Variants in ZNF207 observed in about 807,000 individuals in gnomAD.
ZNF207 encodes zinc finger protein 207.
Under a neutral mutation model 60.2 loss-of-function variants are expected in ZNF207, and 24 were observed. The ratio of observed to expected loss-of-function variants is 0.40; its 90% CI spans 0.29 to 0.56. The LOEUF (loss-of-function observed/expected upper bound fraction) is 0.56. Among genes scored for constraint, ZNF207 ranks in the 20% least tolerant of loss-of-function variants. ZNF207 has a pLI of 0.49. For synonymous variants in ZNF207, 236 were observed against 194.7 expected (o/e 1.21, Z -1.77); for missense variants, 452 against 636.6 (o/e 0.71, Z 3.12).
Position 32,367,975 on chromosome 17 carries a change from A to C in ZNF207, c.1125A>C (p.Ala375=), listed in dbSNP as rs1339845752. 2.5e-6 allele frequency: 4 copies of C among 1,614,094 alleles called. No individual in the cohort carries two copies. The highest frequency in any genetic ancestry group is 3.4e-6 in the Non-Finnish European group (4 of 1,180,032). Reference sequence around the variant, plus strand: ...CTGCTACACTTACAACAACTAGTGCAACCAGTAAGTTGATCCATCCAGATG... The same window carrying C: ...CTGCTACACTTACAACAACTAGTGCCACCAGTAAGTTGATCCATCCAGATG... ...SKPATLTTTS[A]TSKLIHPDED... The change falls in exon 10 of 12, where the codon GCA becomes GCC. Residue 375 remains alanine (A), a synonymous_variant. Coordinates refer to ENST00000394670, the MANE Select transcript of ZNF207 (RefSeq NM_001098507.2).
At chr17:32,359,608 A>T (rs1411354086) in intron 3 of ZNF207, among the ~76,000 whole-genome samples, 1 of 151,840 alleles carries the variant, frequency 6.6e-6, no homozygotes, top group Non-Finnish European at 1.5e-5. Context: ...TTTCAATTAT[A>T]AATTTAATGG....
At position 32,380,902 on chromosome 17, in the gene ZNF207, A is replaced by G. The variant is rs1347022276; in HGVS notation, c.*11143A>G. 1.3e-5 allele frequency: 2 copies of G among 152,136 alleles called. No individual in the cohort carries two copies. The highest frequency in any genetic ancestry group is 6.5e-5 in the Admixed American group (1 of 15,268). 9.4% of individuals were successfully genotyped at this position (152,136 alleles called of 1,614,324 possible). A position where few individuals can be genotyped will look rare whatever the true frequency, so the allele number is the denominator to read the frequency against. On this transcript the variant is annotated 3_prime_UTR_variant, in exon 12 of 12. Coordinates refer to ENST00000394670, the MANE Select transcript of ZNF207 (RefSeq NM_001098507.2). ...AACCCAGGGGGAGGAGGTTGCAGTG[A>G]GCCGAGATGGCGCCGTTGCACTCCA...
In ZNF207 at chr17:32,358,561, A is replaced by T; in HGVS notation, c.227A>T (p.Glu76Val). Residue 76 changes from glutamate (E) to valine (V), a missense_variant, in exon 3 of 12, where the codon GAG becomes GTG. Coordinates refer to ENST00000394670, the MANE Select transcript of ZNF207 (RefSeq NM_001098507.2). ...PNAIPGRTDI[E>V]LEIYGMEGIP... ...GCAATACCTGGAAGAACAGACATAG[A>T]GTTGGAAATATATGGTATGGAAGGT... 6.4e-7 allele frequency: 1 copy of T among 1,568,506 alleles called. No individual in the cohort carries two copies. The highest frequency in any genetic ancestry group is 8.6e-7 in the Non-Finnish European group (1 of 1,163,744).
At chr17:32,367,356 G>A (rs1905251061) in intron 9 of ZNF207, among the ~76,000 whole-genome samples, 1 of 144,224 alleles carries the variant, frequency 6.9e-6, no homozygotes, top group Non-Finnish European at 1.5e-5. Context: ...TTAGTAACGA[G>A]TTTAAACTCA....
intron 6 of ZNF207, 134 bp from the exon 7 acceptor site, chr17:32,362,779 GC>G: frequency 1.6e-6 from 1 of 610,214 alleles, no homozygotes; most frequent in Non-Finnish European, 2.8e-6. Context: ...TGTTCTTTCA[GC>G]TTTGATTCAT....
chr17:32,364,396 T>G (rs1414227162), intron 7 of ZNF207, among the ~76,000 whole-genome samples: 6 of 151,232 alleles, frequency 4.0e-5, no homozygotes, highest in African/African-American at 1.5e-4. Context: ...TTTGCTCTGT[T>G]GCCCAGGCTG....
chr17:32,360,724 C>A lies in ZNF207; in HGVS notation c.434C>A (p.Pro145Gln). 6.2e-7 allele frequency: 1 copy of A among 1,614,072 alleles called. No homozygotes were observed. Among genetic ancestry groups the A allele is most frequent in the Non-Finnish European group, 8.5e-7 (1 of 1,180,026 alleles). Reference sequence around the variant, plus strand: ...GGTTATATTCCTCCAATGGCACAGCCAGGACTGCCACCAGTACCAGGAGCA... The same window carrying A: ...GGTTATATTCCTCCAATGGCACAGCAAGGACTGCCACCAGTACCAGGAGCA... ...QQGYIPPMAQ[P>Q]GLPPVPGAPG... Residue 145 changes from proline (P) to glutamine (Q), a missense_variant, in exon 4 of 12, where the codon CCA (proline) becomes CAA (glutamine). Physicochemically the swap from Pro to Gln is moderately conservative, Grantham distance 76. Transcript: ENST00000394670.
At chr17:32,364,368 T>TG (rs1905060612) in intron 7 of ZNF207, among the ~76,000 whole-genome samples, 1 of 151,102 alleles carries the variant, frequency 6.6e-6, no homozygotes, top group Non-Finnish European at 1.5e-5. Context: ...TTTCTTTTTT[T>TG]TTTTTTTGAG....
chr17:32,350,452 G>A (rs999879859), intron 1 of ZNF207, 126 bp downstream of exon 1: 1 of 1,294,208 alleles, frequency 7.7e-7, no homozygotes, highest in Non-Finnish European at 1.1e-6. Flanking sequence ...TGGGTGGCCT[G>A]GTGGCTGGGA....
rs1318673073 is a variant in ZNF207, at chr17:32,379,887, T to TC, written c.*10131dup. The TC allele has an allele frequency of 1.3e-5, 2 of 152,224 alleles. No individual in the cohort carries two copies. Among genetic ancestry groups the TC allele is most frequent in the East Asian group, 3.8e-4 (2 of 5,200 alleles). 9.4% of individuals were successfully genotyped at this position (152,224 alleles called of 1,614,324 possible). A position where few individuals can be genotyped will look rare whatever the true frequency, so the allele number is the denominator to read the frequency against. Reference sequence around the variant, plus strand: ...TATATGTAACACATGGATTATTTTTTCCCTCTAGTTTTTAACTATATCCTA... The same window carrying TC: ...TATATGTAACACATGGATTATTTTTTCCCCTCTAGTTTTTAACTATATCCTA... On this transcript the variant is annotated 3_prime_UTR_variant, in exon 12 of 12. Coordinates refer to ENST00000394670, the MANE Select transcript of ZNF207 (RefSeq NM_001098507.2).
In ZNF207 at chr17:32,380,262, T is replaced by A. The variant is rs1905830633; in HGVS notation, c.*10503T>A. The A allele has an allele frequency of 6.6e-6, 1 of 152,652 alleles. No homozygotes were observed. Among genetic ancestry groups the A allele is most frequent in the African/African-American group, 2.4e-5 (1 of 41,452 alleles). The allele number at this position is 152,652 out of a possible 1,614,324, so 9.5% of individuals were successfully genotyped here. A position where few individuals can be genotyped will look rare whatever the true frequency, so the allele number is the denominator to read the frequency against. On this transcript the variant is annotated 3_prime_UTR_variant, in exon 12 of 12. Coordinates refer to ENST00000394670, the MANE Select transcript of ZNF207 (RefSeq NM_001098507.2). Reference sequence around the variant, plus strand: ...GTAGCCAAATTTCCGTAATATAAGGTAATGTTTAAAAGTGAGCAATAATTA... The same window carrying A: ...GTAGCCAAATTTCCGTAATATAAGGAAATGTTTAAAAGTGAGCAATAATTA...
rs1905112696 is a variant in ZNF207 at position 32,365,396 on chromosome 17, C to T, written c.737C>T (p.Pro246Leu). The T allele has an allele frequency of 3.7e-6, 6 of 1,614,096 alleles. No individual in the cohort carries two copies. Among genetic ancestry groups the T allele is most frequent in the South Asian group, 1.1e-5 (1 of 91,084 alleles). The change falls in exon 8 of 12, where the codon CCA becomes CTA. Residue 246 changes from proline to leucine, a missense_variant. By Grantham distance (98) the Pro-to-Leu change is moderately conservative. This residue lies in a region of ZNF207 where 390 missense variants were observed against 461.4 expected (regional missense o/e 0.85). Transcript: ENST00000394670. Reference sequence around the variant, plus strand: ...ACTCAAGCACAGGCTGTTTCAGCGCCAGGTATTCTTAATAGACCACCTGCA... The same window carrying T: ...ACTCAAGCACAGGCTGTTTCAGCGCTAGGTATTCTTAATAGACCACCTGCA... ...PMTQAQAVSA[P>L]GILNRPPAPT...
chr17:32,363,499 T>C (rs1271961377), intron 7 of ZNF207, among the ~76,000 whole-genome samples: 1 of 149,494 alleles, frequency 6.7e-6, no homozygotes, highest in African/African-American at 2.4e-5. Flanking sequence ...TTAGGAATGT[T>C]TTAGACAAGT....
Position 32,366,764 on chromosome 17 carries a change from A to G in ZNF207, c.921+7A>G, listed in dbSNP as rs1370342166. The stretch of plus-strand genomic sequence containing the variant: ...GTTTCCTAGCACAGCACAAGTACGC[A>G]GGAAGTTGCAGTTTAAAATTGTTAA... On this transcript the variant is annotated splice_region_variant and intron_variant, in intron 9 of 11. Transcript: ENST00000394670. The G allele has an allele frequency of 1.3e-6, 2 of 1,590,996 alleles. No individual in the cohort carries two copies. The highest frequency in any genetic ancestry group is 2.3e-5 in the East Asian group (1 of 43,500).
chr17:32,363,462 C>T (rs768594603), intron 7 of ZNF207, among the ~76,000 whole-genome samples: 12 of 148,532 alleles, frequency 8.1e-5, no homozygotes, highest in Non-Finnish European at 1.2e-4. Context: ...TGTGCTGAAT[C>T]TCACATACTT....
Position 32,372,869 on chromosome 17 carries a change from A to C in ZNF207, c.*3110A>C, listed in dbSNP as rs1043960552. 6 of 152,200 alleles carry C rather than the reference A, an allele frequency of 3.9e-5. No homozygotes were observed. The highest frequency in any genetic ancestry group is 1.4e-4 in the African/African-American group (6 of 41,440). The allele number at this position is 152,200 out of a possible 1,614,324, so 9.4% of individuals were successfully genotyped here. A position where few individuals can be genotyped will look rare whatever the true frequency, so the allele number is the denominator to read the frequency against. On this transcript the variant is annotated 3_prime_UTR_variant, in exon 12 of 12. Transcript: ENST00000394670. ...CAGAAGACAACTTTTGGGACTTGAT[A>C]ATTCAGGCAGGCATTGTGATTGTCA...
intron 2 of ZNF207, among the ~76,000 whole-genome samples, chr17:32,355,873 G>C (rs1199080680): frequency 6.6e-6 from 1 of 152,204 alleles, no homozygotes; most frequent in Non-Finnish European, 1.5e-5. Flanking sequence ...TTGGTGACTT[G>C]ACAAAGAGCG....
rs748924817 is a variant in ZNF207, at chr17:32,360,603, CA to C, written c.320del (p.Lys107ArgfsTer57). On this transcript the variant is annotated frameshift_variant, in exon 4 of 12. Coordinates refer to ENST00000394670, the MANE Select transcript of ZNF207 (RefSeq NM_001098507.2). LOFTEE classifies it high-confidence loss of function. Reference protein sequence around the residue: ...RLLEQKTQESQKKKQQDDSDE... With the variant: ...RLLEQKTQESXKKKQQDDSDE... ...TAATTTTTTTTTTTTAACAGAAAGT[CA>C]AAAAAAGAAGCAACAAGATGATTCT... 1.3e-6 allele frequency: 2 copies of C among 1,581,152 alleles called. No homozygotes were observed. Among genetic ancestry groups the C allele is most frequent in the Non-Finnish European group, 1.7e-6 (2 of 1,169,324 alleles).
Position 32,374,212 on chromosome 17 carries a change from CTT to C in ZNF207, c.*4477_*4478del, listed in dbSNP as rs1167849855. The C allele has an allele frequency of 2.0e-4, 13 of 66,226 alleles. No homozygotes were observed. The South Asian group carries it at 2.9e-3, about 15-fold the overall frequency. 4.1% of individuals were successfully genotyped at this position (66,226 alleles called of 1,614,324 possible). A position where few individuals can be genotyped will look rare whatever the true frequency, so the allele number is the denominator to read the frequency against. ...ACCGCGCCTGGCCAAAATCTGCATT[CTT>C]TTTTTTTTTTTTTTTTTTTTTTTGA... On this transcript the variant is annotated 3_prime_UTR_variant, in exon 12 of 12. Coordinates refer to ENST00000394670, the MANE Select transcript of ZNF207 (RefSeq NM_001098507.2).
Sources: allele counts gnomAD v4.1 joint callset (sites outside exome capture counted in the v4.1 genomes callset), GRCh38; gene constraint gnomAD v4.1.1; regional missense constraint gnomAD v4.1.1; transcripts MANE v1.5; gene names NCBI Gene and HGNC (gene_info 2026-07-23, HGNC 2026-07-21).